Variants in CACNB4 observed in about 807,000 individuals in gnomAD.
The protein encoded by CACNB4 is voltage-dependent L-type calcium channel subunit beta-4.
Under a neutral mutation model 71.2 loss-of-function variants are expected in CACNB4, and 32 were observed. The observed-to-expected ratio is 0.45, with a 90% CI of 0.34 to 0.60. The LOEUF is 0.60. CACNB4 is among the 20% of genes least tolerant of loss of function. The pLI is 0.01. For missense variants in CACNB4, 464 were observed against 647.9 expected, an observed-to-expected ratio of 0.72 and a Z score of 3.08; for synonymous variants, 231 against 236.9, an observed-to-expected ratio of 0.97 and a Z score of 0.23.
rs902826163 is a variant in CACNB4, at chr2:151,883,753, G to C, written c.148-383C>G. ...AAAAGAGACTCAGCTTATTACAAAAGATAAATCCTACCTGTATTTGGGCTA... is the reference window on the plus strand; with the variant it reads ...AAAAGAGACTCAGCTTATTACAAAACATAAATCCTACCTGTATTTGGGCTA... On this transcript the variant is annotated intron_variant, in intron 2 of 13. Transcript: ENST00000539935. The C allele has an allele frequency of 1.4e-5, 4 of 292,974 alleles. No individual in the cohort carries two copies. In the Admixed American group the frequency reaches 1.5e-4, roughly 11 times the overall value. The allele number at this position is 292,974 out of a possible 1,614,324, so 18.1% of individuals were successfully genotyped here. A position where few individuals can be genotyped will look rare whatever the true frequency, so the allele number is the denominator to read the frequency against.
At chr2:151,926,909 G>T (rs912960573) in intron 2 of CACNB4, among the ~76,000 whole-genome samples, 2 of 152,180 alleles carry the variant, frequency 1.3e-5, no homozygotes, top group Admixed American at 6.5e-5. Context: ...GCCTTTGGGT[G>T]TCTAACTCTC....
intron 2 of CACNB4, among the ~76,000 whole-genome samples, chr2:151,947,868 G>C (rs1479951655): frequency 6.6e-6 from 1 of 152,168 alleles, no homozygotes; most frequent in Non-Finnish European, 1.5e-5. Context: ...ACAAGCAGCA[G>C]TAGCTTAAAA....
intron 12 of CACNB4, among the ~76,000 whole-genome samples, chr2:151,846,258 T>C (rs2099837536): frequency 1.3e-5 from 2 of 152,130 alleles, no homozygotes; most frequent in African/African-American, 4.8e-5. Context: ...ACCCTACTTT[T>C]TACAGAAGAT....
At chr2:152,088,416 A>C (rs1209256855) in intron 2 of CACNB4, among the ~76,000 whole-genome samples, 1 of 152,244 alleles carries the variant, frequency 6.6e-6, no homozygotes, top group Non-Finnish European at 1.5e-5. Flanking sequence ...ATTTTCCATA[A>C]GGAATTTTAA....
At chr2:151,930,784 A>G (rs1363155267) in intron 2 of CACNB4, among the ~76,000 whole-genome samples, 1 of 152,178 alleles carries the variant, frequency 6.6e-6, no homozygotes, top group African/African-American at 2.4e-5. Flanking sequence ...ATGTATGTAT[A>G]TGTACATGCA....
chr2:151,968,477 C>A (rs193196223), intron 2 of CACNB4: 1 of 152,240 alleles, frequency 6.6e-6, no homozygotes, highest in East Asian at 1.9e-4. Flanking sequence ...CGATGATAAC[C>A]AGTCCAGTTA....
intron 2 of CACNB4, among the ~76,000 whole-genome samples, chr2:151,914,867 C>A (rs1470885384): frequency 6.6e-6 from 1 of 152,148 alleles, no homozygotes; most frequent in Non-Finnish European, 1.5e-5. Flanking sequence ...CTTCTGGGAC[C>A]TCTGACCTCA....
intron 2 of CACNB4, among the ~76,000 whole-genome samples, chr2:151,955,965 T>C (rs1578963905): frequency 6.6e-6 from 1 of 151,016 alleles, no homozygotes; most frequent in East Asian, 1.9e-4. Flanking sequence ...GTCTATAAAG[T>C]CTATAAAGAG....
rs1222033062 is a variant in CACNB4 at position 152,014,838 on chromosome 2, T to C, written c.147+83492A>G. 2.6e-5 allele frequency among the ~76,000 whole-genome samples: 4 copies of C among 152,316 alleles called. No homozygotes were observed. In the East Asian group the frequency reaches 5.8e-4, roughly 22 times the overall value. On this transcript the variant is annotated intron_variant, in intron 2 of 13. Coordinates refer to ENST00000539935, the MANE Select transcript of CACNB4 (RefSeq NM_000726.5). ...TAAGTTTTGTGCCTCAGAGAACCAATTATGAAAACATTTATGCAGTCACTG... is the reference window on the plus strand; with the variant it reads ...TAAGTTTTGTGCCTCAGAGAACCAACTATGAAAACATTTATGCAGTCACTG...
chr2:152,086,731 ATCCTG>A (rs1235131735), intron 2 of CACNB4, among the ~76,000 whole-genome samples: 1 of 152,212 alleles, frequency 6.6e-6, no homozygotes, highest in East Asian at 1.9e-4. Context: ...CTTTTCTTTA[ATCCTG>A]TCGATCACAT....
chr2:151,978,479 C>T (rs142200431), intron 2 of CACNB4, among the ~76,000 whole-genome samples: 1 of 152,268 alleles, frequency 6.6e-6, no homozygotes, highest in East Asian at 1.9e-4. Context: ...AGCCAGACTG[C>T]CTGCATATCC....
intron 2 of CACNB4, among the ~76,000 whole-genome samples, chr2:151,941,863 A>G (rs1000010020): frequency 1.3e-5 from 2 of 152,190 alleles, no homozygotes; most frequent in Non-Finnish European, 2.9e-5. Flanking sequence ...TGAAGGAGAT[A>G]CAGCTGTTCT....
At chr2:152,044,514 G>A (rs995924680) in intron 2 of CACNB4, among the ~76,000 whole-genome samples, 6 of 152,082 alleles carry the variant, frequency 3.9e-5, no homozygotes, top group Non-Finnish European at 7.4e-5. Flanking sequence ...CACCGCACCC[G>A]GCCTTAAAGC....
intron 2 of CACNB4, among the ~76,000 whole-genome samples, chr2:152,064,886 T>A (rs1248467141): frequency 6.6e-6 from 1 of 152,140 alleles, no homozygotes; most frequent in Admixed American, 6.5e-5. Flanking sequence ...CCTCTCCACC[T>A]GTCATAGAGA....
chr2:151,928,122 C>A (rs1247249629), intron 2 of CACNB4, among the ~76,000 whole-genome samples: 1 of 152,150 alleles, frequency 6.6e-6, no homozygotes. Context: ...TGGCAGAGAA[C>A]CTGGTTCCTG....
At chr2:151,981,432 T>C (rs1302669894) in intron 2 of CACNB4, among the ~76,000 whole-genome samples, 2 of 152,148 alleles carry the variant, frequency 1.3e-5, no homozygotes, top group African/African-American at 4.8e-5. Flanking sequence ...TCAGAGCCGC[T>C]GCAGATTTAG....
intron 2 of CACNB4, among the ~76,000 whole-genome samples, chr2:151,982,403 G>A (rs539526905): frequency 6.6e-6 from 1 of 152,206 alleles, no homozygotes; most frequent in South Asian, 2.1e-4. Context: ...GGAGGCCAAG[G>A]CGGGCAGATC....
chr2:151,935,105 G>A (rs2099862594), intron 2 of CACNB4, among the ~76,000 whole-genome samples: 1 of 152,184 alleles, frequency 6.6e-6, no homozygotes, highest in Admixed American at 6.5e-5. Context: ...CTGTTGACTG[G>A]CTGATTAACT....
chr2:151,919,365 G>A (rs1349098870), intron 2 of CACNB4, among the ~76,000 whole-genome samples: 1 of 152,092 alleles, frequency 6.6e-6, no homozygotes, highest in African/African-American at 2.4e-5. Flanking sequence ...CCAAAGTGTT[G>A]GGATTAGAGA....
Sources: allele counts gnomAD v4.1 joint callset (sites outside exome capture counted in the v4.1 genomes callset), GRCh38; gene constraint gnomAD v4.1.1; transcripts MANE v1.5; gene names NCBI Gene and HGNC (gene_info 2026-07-23, HGNC 2026-07-21).